The following IFT88 variants were observed in gnomAD, a reference collection of about 807,000 sequenced individuals.
IFT88 encodes intraflagellar transport 88.
In IFT88, 74 loss-of-function variants were observed where a neutral mutation model predicts 119.5. The ratio of observed to expected loss-of-function variants is 0.62; its 90% confidence interval spans 0.51 to 0.75. The LOEUF is 0.75. Ranked by LOEUF, IFT88 falls within the 30% of genes least tolerant of loss-of-function variation. IFT88 has a pLI of 0.00. For missense variants in IFT88, 961 were observed against 977.7 expected (o/e 0.98, Z 0.23); for synonymous variants, 279 against 316.7 (o/e 0.88, Z 1.26).
At chr13:20,684,869 C>G (rs1387268271) in intron 24 of IFT88, among the ~76,000 whole-genome samples, 1 of 152,238 alleles carries the variant, frequency 6.6e-6, no homozygotes, top group Non-Finnish European at 1.5e-5. Flanking sequence ...TCGGGGCGAC[C>G]CTTCGACCCG....
chr13:20,623,584 C>T (rs1301128164), intron 14 of IFT88, among the ~76,000 whole-genome samples: 3 of 152,210 alleles, frequency 2.0e-5, no homozygotes, highest in Admixed American at 2.0e-4. Context: ...ACGCCATTCT[C>T]CTGCCTCAGC....
In IFT88 at chr13:20,600,793, G is replaced by T. The variant is rs745354222; in HGVS notation, c.813-912G>T. ...CCCAAGAGAAATGAAAATATAGATC[G>T]TCACAAAGGCTTTTACACAAACATT... On this transcript the variant is annotated intron_variant, in intron 11 of 25. Transcript: ENST00000351808. Among the ~76,000 whole-genome samples the T allele has an allele frequency of 3.7e-4, 57 of 152,014 alleles. 1 individual carries two copies. The highest frequency in any genetic ancestry group is 6.2e-4 in the South Asian group (3 of 4,820).
In IFT88 at chr13:20,601,853, C is replaced by T. The variant is rs1463455191; in HGVS notation, c.961C>T (p.Arg321Ter). 10 of 1,612,544 alleles carry T rather than the reference C, an allele frequency of 6.2e-6. No homozygotes were observed. The highest frequency in any genetic ancestry group is 2.2e-5 in the East Asian group (1 of 44,818). The change falls in exon 12 of 26, where the codon CGA becomes TGA. Residue 321 changes from arginine to a stop codon, truncating the protein, a stop_gained. Transcript: ENST00000351808. LOFTEE classifies it high-confidence loss of function. ...LTICYFAIGD[R>*]EKMKKAFQKL... ...TATCTGTTATTTTGCTATTGGAGAC[C>T]GAGAAAAAATGAAGAAGGCATTCCA...
At chr13:20,599,062 A>G (rs1566135827) in intron 10 of IFT88, among the ~76,000 whole-genome samples, 1 of 151,996 alleles carries the variant, frequency 6.6e-6, no homozygotes, top group African/African-American at 2.4e-5. Context: ...TATATTTAGC[A>G]TTTATATTGT....
chr13:20,639,874 C>T lies in IFT88; in HGVS notation c.1573+1356C>T, dbSNP rs563189503. On this transcript the variant is annotated intron_variant, in intron 17 of 25. Coordinates refer to ENST00000351808, the MANE Select transcript of IFT88 (RefSeq NM_006531.5). ...CATGATCTCAGCTCACTGCAACCTC[C>T]ACCTTCCAGGTTCAAGTGATTCTCC... Among the ~76,000 whole-genome samples, 7 of 150,550 alleles carry T rather than the reference C, an allele frequency of 4.6e-5. No homozygotes were observed. The South Asian group carries it at 1.3e-3, about 27-fold the overall frequency.
rs554835162 is a variant in IFT88 at position 20,684,216 on chromosome 13, C to G, written c.2243-6489C>G. Among the ~76,000 whole-genome samples, 8 of 152,300 alleles carry G rather than the reference C, an allele frequency of 5.3e-5. No homozygotes were observed. The South Asian group carries it at 1.5e-3, about 28-fold the overall frequency. On this transcript the variant is annotated intron_variant, in intron 24 of 25. Coordinates refer to ENST00000351808, the MANE Select transcript of IFT88 (RefSeq NM_006531.5). ...CTCATCTAGCTTGCTGGATTCCTGC[C>G]TAAATGGAACTGAGAGCGGTCGCTC...
At chr13:20,569,566 C>A (rs1566025076) in intron 1 of IFT88, among the ~76,000 whole-genome samples, 1 of 136,752 alleles carries the variant, frequency 7.3e-6, no homozygotes, top group East Asian at 2.3e-4. Flanking sequence ...GAGCGAGACT[C>A]CGTCCCAAAA....
intron 7 of IFT88, 72 bp downstream of exon 7, chr13:20,592,476 A>T (rs2040848543): frequency 3.7e-5 from 39 of 1,045,128 alleles, no homozygotes; most frequent in South Asian, 6.8e-5. Flanking sequence ...CAAATACACA[A>T]TTTTTTTTTT....
At chr13:20,631,566 A>G (rs1003709521) in intron 16 of IFT88, 1 of 154,022 alleles carries the variant, frequency 6.5e-6, no homozygotes, top group Non-Finnish European at 1.4e-5. Flanking sequence ...GGAACAAAGG[A>G]GGTAGACTAG....
At chr13:20,646,261 T>A (rs2050735888) in intron 20 of IFT88, among the ~76,000 whole-genome samples, 1 of 152,120 alleles carries the variant, frequency 6.6e-6, no homozygotes, top group Non-Finnish European at 1.5e-5. Flanking sequence ...CTCATCTGAT[T>A]GTGATTATCA....
rs1038058850 is a variant in IFT88, at chr13:20,590,986, C to T, written c.230C>T (p.Ser77Leu). 4 of 1,608,916 alleles carry T rather than the reference C, an allele frequency of 2.5e-6. No homozygotes were observed. The African/African-American group carries it at 5.4e-5, about 22-fold the overall frequency. Residue 77 changes from serine to leucine, a missense_variant, in exon 5 of 26, where the codon TCA becomes TTA. By Grantham distance (145) the Ser-to-Leu change is moderately radical. Coordinates refer to ENST00000351808, the MANE Select transcript of IFT88 (RefSeq NM_006531.5). ...TGYGSKTSLA[S>L]SIGRPMTGAI... Reference sequence around the variant, plus strand: ...TACTAGTCCAAGACATCTCTGGCATCATCAATAGGAAGACCAATGACAGGG... The same window carrying T: ...TACTAGTCCAAGACATCTCTGGCATTATCAATAGGAAGACCAATGACAGGG...
At chr13:20,605,196 AAAT>A in intron 13 of IFT88, 91 bp downstream of exon 13, 1 of 505,540 alleles carries the variant, frequency 2.0e-6, no homozygotes. Flanking sequence ...TTGAAACTTA[AAAT>A]AATTTAGTTT....
At position 20,641,338 on chromosome 13, in the gene IFT88, T is replaced by C; in HGVS notation, c.1622T>C (p.Phe541Ser). 1 of 1,613,060 alleles carries C rather than the reference T, an allele frequency of 6.2e-7. No individual in the cohort carries two copies. Among genetic ancestry groups the C allele is most frequent in the East Asian group, 2.2e-5 (1 of 44,840 alleles). ...CGGCTAGATGAGGCTTTGGACTGTT[T>C]CCTGAAACTTCACGCAATCCTACGA... Reference protein sequence around the residue: ...LNRLDEALDCFLKLHAILRNS... With the variant: ...LNRLDEALDCSLKLHAILRNS... The change falls in exon 18 of 26, where the codon TTC becomes TCC. Residue 541 changes from phenylalanine to serine, a missense_variant. Physicochemically the swap from Phe to Ser is radical, Grantham distance 155. Coordinates refer to ENST00000351808, the MANE Select transcript of IFT88 (RefSeq NM_006531.5).
intron 20 of IFT88, 40 bp downstream of exon 20, chr13:20,644,998 G>T: frequency 1.0e-6 from 1 of 960,430 alleles, no homozygotes; most frequent in Non-Finnish European, 1.6e-6. Context: ...TTAATGTCAT[G>T]TCTTGAGTTT....
intron 3 of IFT88, among the ~76,000 whole-genome samples, chr13:20,585,233 C>G (rs1242561960): frequency 2.6e-5 from 4 of 152,140 alleles, no homozygotes; most frequent in East Asian, 1.9e-4. Flanking sequence ...CTTCTGACAC[C>G]AACTGCAAGT....
At chr13:20,648,597 A>G (rs1371873754) in intron 20 of IFT88, among the ~76,000 whole-genome samples, 1 of 152,196 alleles carries the variant, frequency 6.6e-6, no homozygotes, top group Non-Finnish European at 1.5e-5. Context: ...AAAAAAGAGT[A>G]GTAATGGAAG....
At position 20,681,921 on chromosome 13, in the gene IFT88, C is replaced by T. The variant is rs551730174; in HGVS notation, c.2243-8784C>T. ...CCATTACTAGACCCATCTGTAAAAA[C>T]ATTTTCAGCACCTACAGCTGGTTTA... On this transcript the variant is annotated intron_variant, in intron 24 of 25. Transcript: ENST00000351808. 1.8e-4 allele frequency among the ~76,000 whole-genome samples: 27 copies of T among 152,368 alleles called. No individual in the cohort carries two copies. In the East Asian group the frequency reaches 5.0e-3, roughly 28 times the overall value.
At chr13:20,597,166 G>A in intron 9 of IFT88, 47 bp downstream of exon 9, 3 of 998,282 alleles carry the variant, frequency 3.0e-6, no homozygotes, top group Non-Finnish European at 4.5e-6. Context: ...TTTTGACTAG[G>A]GTTAATGGGT....
rs748805100 is a variant in IFT88, at chr13:20,644,897, T to TA, written c.1889dup (p.Tyr630Ter). The TA allele has an allele frequency of 6.2e-7, 1 of 1,607,504 alleles. No homozygotes were observed. The highest frequency in any genetic ancestry group is 8.5e-7 in the Non-Finnish European group (1 of 1,175,388). ...IEVIEWLGAY[Y>*]IDTQFWEKAI... ...AGTCATTGAGTGGCTTGGAGCCTAT[T>TA]ACATTGACACCCAATTTTGGGAAAA... The change falls in exon 20 of 26, where the codon TAC (tyrosine) becomes TAAC (stop). Residue 630 changes from tyrosine (Y) to a stop codon, truncating the protein, a stop_gained and frameshift_variant. Transcript: ENST00000351808. LOFTEE classifies it high-confidence loss of function.
Sources: gnomAD v4.1 joint callset for allele counts (sites outside exome capture counted in the v4.1 genomes callset) on GRCh38, gnomAD v4.1.1 for gene constraint, MANE v1.5 for transcripts, NCBI Gene and HGNC (gene_info 2026-07-23, HGNC 2026-07-21) for gene names.